The following TRPM3 variants were observed in gnomAD, a reference collection of about 807,000 sequenced individuals.
TRPM3 encodes long transient receptor potential channel 3.
TRPM3 carries 77 observed loss-of-function variants against 181.2 expected under a neutral mutation model. That is an observed-to-expected ratio of 0.42 (90% CI 0.35 to 0.51). The LOEUF is 0.51. Ranked by LOEUF, TRPM3 falls within the 20% of genes least tolerant of loss-of-function variation. TRPM3 has a pLI of 0.01. For synonymous variants in TRPM3, 745 were observed against 796.4 expected, an observed-to-expected ratio of 0.94 and a Z score of 1.09; for missense variants, 1,759 against 2,196.7, an observed-to-expected ratio of 0.80 and a Z score of 3.98.
At chr9:71,024,769 T>C (rs548254309) in intron 1 of TRPM3, among the ~76,000 whole-genome samples, 88 of 152,362 alleles carry the variant, frequency 5.8e-4, no homozygotes, top group African/African-American at 2.1e-3. Flanking sequence ...AGCTCATTTA[T>C]CAGAGATGAT....
intron 1 of TRPM3, among the ~76,000 whole-genome samples, chr9:71,254,485 T>G (rs2082552062): frequency 6.6e-6 from 1 of 152,212 alleles, no homozygotes; most frequent in South Asian, 2.1e-4. Context: ...AGATTTTAAG[T>G]GCTTTCACCA....
At chr9:71,187,176 C>T (rs1446471746) in intron 1 of TRPM3, among the ~76,000 whole-genome samples, 2 of 151,964 alleles carry the variant, frequency 1.3e-5, no homozygotes, top group Non-Finnish European at 2.9e-5. Context: ...TAGATTAGAT[C>T]AAGTTAAACT....
chr9:71,126,267 T>C (rs1330494977), upstream of TRPM3, among the ~76,000 whole-genome samples: 1 of 152,202 alleles, frequency 6.6e-6, no homozygotes, highest in African/African-American at 2.4e-5. Context: ...AGGAACGCTT[T>C]TACACTGTTG....
intron 1 of TRPM3, among the ~76,000 whole-genome samples, chr9:71,096,590 A>ACACACACACACACTCTCTCT (rs1452142664): frequency 1.1e-5 from 1 of 90,044 alleles, no homozygotes; most frequent in African/African-American, 5.1e-5. Context: ...ACACACACAC[A>ACACACACACACACTCTCTCT]CTCTCTCTCT....
intron 6 of TRPM3, among the ~76,000 whole-genome samples, chr9:70,813,863 A>C (rs1306147499): frequency 1.3e-5 from 2 of 152,202 alleles, no homozygotes; most frequent in Non-Finnish European, 2.9e-5. Context: ...GGGTTGTCAT[A>C]AGAACTAAAT....
intron 1 of TRPM3, among the ~76,000 whole-genome samples, chr9:71,412,874 T>C (rs2093578902): frequency 2.0e-5 from 3 of 152,054 alleles, no homozygotes; most frequent in Admixed American, 2.0e-4. Context: ...ATAGACTGGA[T>C]TAAGAAAATG....
chr9:71,217,273 C>G (rs1166644637), intron 1 of TRPM3, among the ~76,000 whole-genome samples: 1 of 152,142 alleles, frequency 6.6e-6, no homozygotes, highest in Admixed American at 6.5e-5. Flanking sequence ...TTAAAACATT[C>G]TCTCTCCTAT....
At chr9:70,646,330 C>G (rs886923211) in intron 9 of TRPM3, among the ~76,000 whole-genome samples, 1 of 152,180 alleles carries the variant, frequency 6.6e-6, no homozygotes, top group Admixed American at 6.5e-5. Flanking sequence ...CAGTGCCCAT[C>G]AATGATAGAC....
At chr9:71,104,547 AT>A (rs1297906336) in intron 1 of TRPM3, among the ~76,000 whole-genome samples, 1 of 152,196 alleles carries the variant, frequency 6.6e-6, no homozygotes, top group Non-Finnish European at 1.5e-5. Flanking sequence ...TCAATCACAA[AT>A]TCCTCATCTG....
intron 9 of TRPM3, among the ~76,000 whole-genome samples, chr9:70,668,452 C>T (rs917316070): frequency 2.0e-5 from 3 of 152,002 alleles, no homozygotes; most frequent in Non-Finnish European, 2.9e-5. Flanking sequence ...ATCACGAGGT[C>T]AGGAGATCGA....
intron 1 of TRPM3, among the ~76,000 whole-genome samples, chr9:71,367,521 G>A (rs1403235425): frequency 6.6e-6 from 1 of 152,074 alleles, no homozygotes; most frequent in Non-Finnish European, 1.5e-5. Context: ...TGGAAATAAG[G>A]TCACGTAGCA....
At chr9:71,191,460 T>G (rs2078015800) in intron 1 of TRPM3, among the ~76,000 whole-genome samples, 1 of 151,830 alleles carries the variant, frequency 6.6e-6, no homozygotes, top group Non-Finnish European at 1.5e-5. Flanking sequence ...TGCTAGAAGC[T>G]TGCAACTAAT....
At chr9:70,917,024 G>C in intron 1 of TRPM3, 2 of 1,575,116 alleles carry the variant, frequency 1.3e-6, no homozygotes, top group Non-Finnish European at 1.7e-6. Context: ...AAGGTGAGTG[G>C]GTATAGAGAC....
At chr9:70,971,284 T>A (rs2097242363) in intron 1 of TRPM3, among the ~76,000 whole-genome samples, 1 of 152,188 alleles carries the variant, frequency 6.6e-6, no homozygotes, top group South Asian at 2.1e-4. Context: ...AGCTAACCTA[T>A]AAGACACTTT....
chr9:71,191,996 C>A (rs754807751), intron 1 of TRPM3, among the ~76,000 whole-genome samples: 1 of 151,768 alleles, frequency 6.6e-6, no homozygotes, highest in Non-Finnish European at 1.5e-5. Context: ...ATGTTACTTT[C>A]TTGCTCTGCT....
chr9:70,919,101 C>T (rs2096629898), intron 1 of TRPM3, among the ~76,000 whole-genome samples: 1 of 152,140 alleles, frequency 6.6e-6, no homozygotes, highest in Non-Finnish European at 1.5e-5. Flanking sequence ...CCAATTCATC[C>T]TATTCCCTGT....
At chr9:71,234,411 G>A (rs973384448) in intron 1 of TRPM3, among the ~76,000 whole-genome samples, 1 of 152,190 alleles carries the variant, frequency 6.6e-6, no homozygotes, top group Non-Finnish European at 1.5e-5. Context: ...ATGAAATTCT[G>A]ATGACCCATA....
intron 1 of TRPM3, among the ~76,000 whole-genome samples, chr9:71,248,769 C>G (rs549450916): frequency 9.9e-5 from 15 of 152,050 alleles, no homozygotes; most frequent in Non-Finnish European, 2.9e-5. Context: ...TACACATGTA[C>G]GTAACTACTT....
chr9:71,347,763 A>G (rs1169806471), intron 1 of TRPM3, among the ~76,000 whole-genome samples: 1 of 152,132 alleles, frequency 6.6e-6, no homozygotes, highest in Non-Finnish European at 1.5e-5. Context: ...CATTTTGATT[A>G]AAAATAAATT....
Sources: gnomAD v4.1 joint callset for allele counts (sites outside exome capture counted in the v4.1 genomes callset) on GRCh38, gnomAD v4.1.1 for gene constraint, MANE v1.5 for transcripts, NCBI Gene and HGNC (gene_info 2026-07-23, HGNC 2026-07-21) for gene names.